Variants in TJP3 observed in about 807,000 individuals in gnomAD.
TJP3 encodes the protein tight junction protein 3.
A neutral mutation model predicts 104.2 loss-of-function variants in TJP3; 85 were observed. The ratio of observed to expected loss-of-function variants is 0.82; its 90% CI spans 0.68 to 0.98. The LOEUF (loss-of-function observed/expected upper bound fraction) is 0.98, where lower values mean the gene tolerates loss of function less well. Ranked by LOEUF, TJP3 falls within the 50% of genes least tolerant of loss-of-function variation. TJP3 has a pLI of 0.00. For missense variants in TJP3, 1,367 were observed against 1,322.8 expected, an observed-to-expected ratio of 1.03 and a Z score of -0.52; for synonymous variants, 550 against 550.6, an observed-to-expected ratio of 1.00 and a Z score of 0.02.
In TJP3 at chr19:3,730,836, A is replaced by G. The variant is rs2036662856; in HGVS notation, c.613+130A>G. 1.0e-6 allele frequency: 1 copy of G among 971,730 alleles called. No homozygotes were observed. Among genetic ancestry groups the G allele is most frequent in the East Asian group, 2.8e-5 (1 of 36,102 alleles). 60.2% of individuals were successfully genotyped at this position (971,730 alleles called of 1,614,324 possible). A position where few individuals can be genotyped will look rare whatever the true frequency, so the allele number is the denominator to read the frequency against. ...GCTGGGACTCCAGGCGCCCGCCACC[A>G]TGCCTGGCTAATTTTTGTACTTTTG... On this transcript the variant is annotated intron_variant, in intron 5 of 20. Transcript: ENST00000541714. This position sits in a 1 kb window ranked among gnomAD's most constrained non-coding sequence, Gnocchi z 7.3.
In TJP3 at chr19:3,746,466, G is replaced by A. The variant is rs765583576; in HGVS notation, c.2011-19G>A. On this transcript the variant is annotated intron_variant, in intron 16 of 20. Coordinates refer to ENST00000541714, the MANE Select transcript of TJP3 (RefSeq NM_001267560.2). The surrounding 1 kb of genome is among the most constrained non-coding windows in gnomAD (Gnocchi z 4.1). ...CTGCTGCAATCCCCCTCACCCCAAC[G>A]TCCGCCGGCCTGGCCCAGGACAAGC... The A allele has an allele frequency of 8.7e-6, 14 of 1,612,766 alleles. No individual in the cohort carries two copies. The highest frequency in any genetic ancestry group is 1.3e-5 in the African/African-American group (1 of 74,852).
chr19:3,725,870 G>A (rs956607240), intron 1 of TJP3, among the ~76,000 whole-genome samples: 4 of 152,170 alleles, frequency 2.6e-5, no homozygotes, highest in African/African-American at 9.6e-5. Flanking sequence ...GGCTGGGAGA[G>A]GCCCCGCCAT....
chr19:3,718,249 GTGTGTGTC>G (rs568478175), intron 1 of TJP3, among the ~76,000 whole-genome samples: 6,489 of 82,390 alleles, frequency 0.079, 347 homozygotes, highest in South Asian at 0.11. Flanking sequence ...GTGTGTGTGT[GTGTGTGTC>G]TGTGTGTGTG....
chr19:3,741,373 G>A (rs1357207035), intron 14 of TJP3, among the ~76,000 whole-genome samples: 1 of 152,190 alleles, frequency 6.6e-6, no homozygotes, highest in Admixed American at 6.5e-5. Flanking sequence ...GGGAAGCTGA[G>A]GCAGGAAGAT....
chr19:3,741,691 G>C (rs1020625149), intron 14 of TJP3, among the ~76,000 whole-genome samples: 4 of 151,434 alleles, frequency 2.6e-5, no homozygotes, highest in South Asian at 2.1e-4. Context: ...TTTTGGGCCT[G>C]GGTGCGGTGG....
chr19:3,744,437 G>A (rs961107243), intron 15 of TJP3, among the ~76,000 whole-genome samples: 3 of 152,016 alleles, frequency 2.0e-5, no homozygotes, highest in Non-Finnish European at 2.9e-5. Context: ...AGTCCGAGGC[G>A]GGTGGATCAC....
chr19:3,714,301 C>T (rs1030192519), intron 1 of TJP3, among the ~76,000 whole-genome samples: 3 of 151,372 alleles, frequency 2.0e-5, no homozygotes, highest in African/African-American at 7.3e-5. Flanking sequence ...TGCCTCAGCC[C>T]CCTGAGTAGC....
intron 20 of TJP3, 65 bp from the exon 21 acceptor site, chr19:3,750,515 TCA>T: frequency 2.2e-6 from 3 of 1,363,544 alleles, no homozygotes; most frequent in South Asian, 2.5e-5. Context: ...ACAGCCAGCC[TCA>T]GTTTATGGTG....
At chr19:3,708,750 G>A (rs1264398540) in intron 1 of TJP3, among the ~76,000 whole-genome samples, 189 bp downstream of exon 1, 1 of 152,104 alleles carries the variant, frequency 6.6e-6, no homozygotes, top group African/African-American at 2.4e-5. Context: ...TTATCTGACC[G>A]GCAGTTACTG....
At chr19:3,720,433 C>T (rs925450808) in intron 1 of TJP3, among the ~76,000 whole-genome samples, 2 of 152,148 alleles carry the variant, frequency 1.3e-5, no homozygotes, top group Non-Finnish European at 2.9e-5. Flanking sequence ...CTACGATGCC[C>T]CCTCCTCCAG....
At chr19:3,740,279 G>C (rs2036795840) in intron 13 of TJP3, among the ~76,000 whole-genome samples, 1 of 150,926 alleles carries the variant, frequency 6.6e-6, no homozygotes, top group Non-Finnish European at 1.5e-5. Flanking sequence ...GTGGTGGCGG[G>C]CACCTGTAAT....
Position 3,746,470 on chromosome 19 carries a change from G to A in TJP3, c.2011-15G>A, listed in dbSNP as rs553442197. On this transcript the variant is annotated splice_polypyrimidine_tract_variant and intron_variant, in intron 16 of 20. Transcript: ENST00000541714. This position sits in a 1 kb window ranked among gnomAD's most constrained non-coding sequence, Gnocchi z 4.1. ...TGCAATCCCCCTCACCCCAACGTCC[G>A]CCGGCCTGGCCCAGGACAAGCATGC... The A allele has an allele frequency of 2.0e-5, 32 of 1,613,226 alleles. No individual in the cohort carries two copies. The highest frequency in any genetic ancestry group is 1.3e-4 in the South Asian group (12 of 91,044).
At chr19:3,741,713 A>C (rs1403574568) in intron 14 of TJP3, among the ~76,000 whole-genome samples, 1 of 151,354 alleles carries the variant, frequency 6.6e-6, no homozygotes, top group Non-Finnish European at 1.5e-5. Context: ...TCACGCCCGT[A>C]ATCTCAATGG....
At chr19:3,734,688 C>G (rs1167660777) in intron 8 of TJP3, among the ~76,000 whole-genome samples, 1 of 152,062 alleles carries the variant, frequency 6.6e-6, no homozygotes, top group Non-Finnish European at 1.5e-5. Context: ...GGTGCGGTGG[C>G]TCACGCCTGT....
chr19:3,718,846 T>C (rs2036516236), intron 1 of TJP3, among the ~76,000 whole-genome samples: 1 of 152,104 alleles, frequency 6.6e-6, no homozygotes, highest in Non-Finnish European at 1.5e-5. Context: ...GGGAATGATG[T>C]GTTTTTCTCA....
At chr19:3,750,305 G>A in intron 20 of TJP3, 121 bp downstream of exon 20, 1 of 1,300,672 alleles carries the variant, frequency 7.7e-7, no homozygotes. Flanking sequence ...GGGGAAGACA[G>A]AGCCTGCCAG....
At chr19:3,750,103 GGA>G (rs2145711354) in intron 19 of TJP3, 33 bp from the exon 20 acceptor site, 1 of 1,613,962 alleles carries the variant, frequency 6.2e-7, no homozygotes, top group Non-Finnish European at 8.5e-7. Flanking sequence ...TGCTCTGGGG[GGA>G]GTTTTGAAGC....
At chr19:3,738,705 G>A in intron 12 of TJP3, 42 bp downstream of exon 12, 2 of 1,562,194 alleles carry the variant, frequency 1.3e-6, no homozygotes, top group Non-Finnish European at 1.8e-6. Flanking sequence ...TGTTGCGGGG[G>A]GAGGACCTGG....
At position 3,731,991 on chromosome 19, in the gene TJP3, CT is replaced by C. The variant is rs1378924475; in HGVS notation, c.671del (p.Leu224ArgfsTer27). 6.2e-7 allele frequency: 1 copy of C among 1,613,714 alleles called. No individual in the cohort carries two copies. The highest frequency in any genetic ancestry group is 2.2e-5 in the East Asian group (1 of 44,874). ...CATCAAGCACATTACAGATTCGGGC[CT>C]GGCTGCCCGGCACCGTGGGCTGCAG... ...IFIKHITDSG[L>X]AARHRGLQEG... On this transcript the variant is annotated frameshift_variant, in exon 6 of 21. Transcript: ENST00000541714. LOFTEE classifies it high-confidence loss of function.
Sources: allele counts gnomAD v4.1 joint callset (sites outside exome capture counted in the v4.1 genomes callset), GRCh38; gene constraint gnomAD v4.1.1; non-coding constraint Gnocchi (gnomAD v3.1); transcripts MANE v1.5; gene names NCBI Gene and HGNC (gene_info 2026-07-23, HGNC 2026-07-21).